The following TESK2 variants were observed in gnomAD, a reference collection of about 807,000 sequenced individuals.
The protein encoded by TESK2 is testis associated actin remodelling kinase 2, also known as dual specificity testis-specific protein kinase 2.
Under a neutral mutation model 57.1 loss-of-function variants are expected in TESK2, and 39 were observed. The observed-to-expected ratio is 0.68, with a 90% confidence interval of 0.53 to 0.89. TESK2 has a LOEUF of 0.89. Ranked by LOEUF, TESK2 falls within the 40% of genes least tolerant of loss-of-function variation. The pLI, the probability that TESK2 is intolerant of heterozygous loss-of-function variation, is 0.00. For synonymous variants in TESK2, 249 were observed against 267.9 expected (o/e 0.93, Z 0.69); for missense variants, 646 against 732.1 (o/e 0.88, Z 1.36).
chr1:45,449,334 G>A (rs889239848), intron 2 of TESK2, among the ~76,000 whole-genome samples: 1 of 151,754 alleles, frequency 6.6e-6, no homozygotes, highest in Non-Finnish European at 1.5e-5. Context: ...TCCACCAATT[G>A]CACTCTGTGA....
At chr1:45,432,091 CA>C (rs148073006) in intron 2 of TESK2, among the ~76,000 whole-genome samples, 1,594 of 151,968 alleles carry the variant, frequency 0.01, 21 homozygotes, top group African/African-American at 0.033. Flanking sequence ...ACAAAAAATA[CA>C]AAAAACGTTA....
chr1:45,425,806 T>C (rs907371448), intron 2 of TESK2, among the ~76,000 whole-genome samples: 1 of 152,060 alleles, frequency 6.6e-6, no homozygotes, highest in Non-Finnish European at 1.5e-5. Context: ...AAACTTTCTA[T>C]GGAATCACAA....
At chr1:45,461,736 C>G (rs1652341241) in intron 1 of TESK2, among the ~76,000 whole-genome samples, 1 of 152,146 alleles carries the variant, frequency 6.6e-6, no homozygotes, top group Admixed American at 6.5e-5. Context: ...CTAAACTGAA[C>G]AATTCGATGT....
chr1:45,473,894 C>A (rs1479425501), intron 1 of TESK2, among the ~76,000 whole-genome samples: 1 of 151,454 alleles, frequency 6.6e-6, no homozygotes, highest in African/African-American at 2.4e-5. Context: ...AACGCCTAGG[C>A]TCAAACAATC....
chr1:45,391,149 C>G (rs1376691810), intron 3 of TESK2, among the ~76,000 whole-genome samples: 2 of 151,410 alleles, frequency 1.3e-5, no homozygotes, highest in African/African-American at 4.9e-5. Flanking sequence ...ATCTCCTGAC[C>G]TCGTGATCCG....
chr1:45,450,220 A>T (rs7532573), intron 2 of TESK2, among the ~76,000 whole-genome samples: 79,778 of 151,720 alleles, frequency 0.53, 21,394 homozygotes, highest in African/African-American at 0.63. Context: ...TAATTTTTTT[A>T]AAATTAATAG....
intron 1 of TESK2, among the ~76,000 whole-genome samples, chr1:45,469,996 C>T (rs1229036914): frequency 6.6e-6 from 1 of 152,056 alleles, no homozygotes; most frequent in Non-Finnish European, 1.5e-5. Flanking sequence ...AATGTCCATC[C>T]AAATATGGAA....
At chr1:45,363,232 A>G (rs541273907) in intron 4 of TESK2, among the ~76,000 whole-genome samples, 1 of 152,298 alleles carries the variant, frequency 6.6e-6, no homozygotes, top group South Asian at 2.1e-4. Context: ...CATTTTTTAC[A>G]ACAGGTAGAA....
At chr1:45,404,293 A>G (rs1433809426) in intron 3 of TESK2, among the ~76,000 whole-genome samples, 1 of 152,210 alleles carries the variant, frequency 6.6e-6, no homozygotes, top group Admixed American at 6.5e-5. Context: ...CTCCACAGAT[A>G]AATATTAGAG....
intron 1 of TESK2, among the ~76,000 whole-genome samples, chr1:45,484,377 GGAGTTACA>G (rs1426263838): frequency 2.1e-4 from 32 of 151,950 alleles, no homozygotes; most frequent in Admixed American, 9.8e-4. Context: ...CCAAAGTGCT[GGAGTTACA>G]GGCGTGAGCC....
In TESK2 at chr1:45,457,567, G is replaced by A. The variant is rs1652157012; in HGVS notation, c.219C>T (p.Phe73=). 6.2e-7 allele frequency: 1 copy of A among 1,613,594 alleles called. No individual in the cohort carries two copies. The highest frequency in any genetic ancestry group is 2.2e-5 in the East Asian group (1 of 44,868). The change falls in exon 2 of 11, where the codon TTC becomes TTT. Residue 73 remains phenylalanine, a synonymous_variant. Transcript: ENST00000372086. Reference sequence around the variant, plus strand: ...GAAAAGCTGAAGACTCACTCACCTTGAACACTTCAGAAAAGAAGCCAGACC... The same window carrying A: ...GAAAAGCTGAAGACTCACTCACCTTAAACACTTCAGAAAAGAAGCCAGACC... ...KIGSGFFSEV[F]KVRHRASGQV... is the part of the protein sequence containing the mutation.
chr1:45,345,398 G>A lies in TESK2; in HGVS notation c.1158C>T (p.Tyr386=). The change falls in exon 11 of 11, where the codon TAC becomes TAT. Residue 386 remains tyrosine, a synonymous_variant. Coordinates refer to ENST00000372086, the MANE Select transcript of TESK2 (RefSeq NM_007170.3). ...GGGCAGCACCATCTCGTGGCCGGTA[G>A]TATGGGTCCAAGACACTCACTGTAC... ...PPRTVSVLDP[Y]YRPRDGAART... The A allele has an allele frequency of 3.7e-6, 6 of 1,614,118 alleles. No individual in the cohort carries two copies. Among genetic ancestry groups the A allele is most frequent in the Non-Finnish European group, 5.1e-6 (6 of 1,180,038 alleles).
intron 2 of TESK2, among the ~76,000 whole-genome samples, chr1:45,447,395 C>T (rs1570740304): frequency 6.6e-6 from 1 of 151,464 alleles, no homozygotes; most frequent in East Asian, 1.9e-4. Context: ...GACACAAACA[C>T]ACACATTAGC....
In TESK2 at chr1:45,404,456, G is replaced by A. The variant is rs1015463630; in HGVS notation, c.344+17269C>T. ...TAACATTTACTGAGCACCTAAGGAC[G>A]TGTCAGACACTGTTCTAAATACTTT... On this transcript the variant is annotated intron_variant, in intron 3 of 10. Coordinates refer to ENST00000372086, the MANE Select transcript of TESK2 (RefSeq NM_007170.3). Among the ~76,000 whole-genome samples the A allele has an allele frequency of 4.6e-5, 7 of 152,136 alleles. No individual in the cohort carries two copies. The South Asian group carries it at 1.5e-3, about 32-fold the overall frequency.
chr1:45,482,600 TAAAAAAA>T (rs34879699), intron 1 of TESK2, among the ~76,000 whole-genome samples: 2 of 137,372 alleles, frequency 1.5e-5, no homozygotes, highest in African/African-American at 2.7e-5. Context: ...GGTCAGCCAT[TAAAAAAA>T]AAAAAAAAAA....
intron 1 of TESK2, among the ~76,000 whole-genome samples, chr1:45,485,891 G>T (rs1653458075): frequency 8.0e-6 from 1 of 124,464 alleles, no homozygotes. Context: ...AAGATTAAAT[G>T]TATCTTAAAA....
intron 4 of TESK2, among the ~76,000 whole-genome samples, chr1:45,368,397 C>T (rs551477106): frequency 3.3e-5 from 5 of 151,080 alleles, no homozygotes; most frequent in South Asian, 4.2e-4. Context: ...GTTTTTCAGA[C>T]GGAGTCCCGC....
intron 6 of TESK2, 74 bp downstream of exon 6, chr1:45,347,844 G>T: frequency 6.9e-7 from 1 of 1,454,640 alleles, no homozygotes; most frequent in Non-Finnish European, 9.7e-7. Context: ...CTGGCCTCTG[G>T]GGAGGAGGCT....
chr1:45,480,182 C>T (rs572584769), intron 1 of TESK2, among the ~76,000 whole-genome samples: 13 of 150,892 alleles, frequency 8.6e-5, no homozygotes, highest in Middle Eastern at 3.4e-3. Context: ...GACTGAGGGC[C>T]GGGCATGGTG....
Sources: allele counts gnomAD v4.1 joint callset (sites outside exome capture counted in the v4.1 genomes callset), GRCh38; gene constraint gnomAD v4.1.1; transcripts MANE v1.5; gene names NCBI Gene and HGNC (gene_info 2026-07-23, HGNC 2026-07-21).